DYNC2H1: variants seen among roughly 807,000 people sequenced by gnomAD.
DYNC2H1 encodes the protein cytoplasmic dynein 2 heavy chain 1.
In DYNC2H1, 410 loss-of-function variants were observed where a neutral mutation model predicts 570.0. The observed-to-expected ratio is 0.72, with a 90% CI of 0.66 to 0.78. The LOEUF (loss-of-function observed/expected upper bound fraction) is 0.78. DYNC2H1 is among the 30% of genes least tolerant of loss of function. The pLI, the probability that DYNC2H1 is intolerant of heterozygous loss-of-function variation, is 0.00. For missense variants in DYNC2H1, 4,865 were observed against 5,046.4 expected, an observed-to-expected ratio of 0.96 and a Z score of 1.09; for synonymous variants, 1,688 against 1,677.6, an observed-to-expected ratio of 1.01 and a Z score of -0.15.
chr11:103,242,043 AG>A (rs1864441880), intron 63 of DYNC2H1, among the ~76,000 whole-genome samples: 2 of 152,044 alleles, frequency 1.3e-5, no homozygotes, highest in African/African-American at 4.8e-5. Context: ...TTAGATATAC[AG>A]TGTTCCCCCC....
chr11:103,300,041 T>C (rs540061866), intron 75 of DYNC2H1, among the ~76,000 whole-genome samples: 1 of 152,194 alleles, frequency 6.6e-6, no homozygotes, highest in African/African-American at 2.4e-5. Context: ...GGTAATTTTA[T>C]ACATCTGATA....
chr11:103,445,991 GT>G (rs577045502), intron 85 of DYNC2H1, among the ~76,000 whole-genome samples: 71 of 152,196 alleles, frequency 4.7e-4, no homozygotes, highest in Non-Finnish European at 7.6e-4. Flanking sequence ...TGGTTAAGTG[GT>G]TTAGTGAGTT....
chr11:103,210,144 G>A lies in DYNC2H1; in HGVS notation c.8539+184G>A, dbSNP rs546459979. On this transcript the variant is annotated intron_variant, in intron 53 of 88. Transcript: ENST00000375735. ...CTTTTTATTTTTAAATTAATGGTAT[G>A]TCATTTAACCTAGAACCCAACAGAA... Among the ~76,000 whole-genome samples the A allele has an allele frequency of 3.2e-4, 49 of 152,022 alleles. 1 individual carries two copies. Among genetic ancestry groups the A allele is most frequent in the Non-Finnish European group, 6.8e-4 (46 of 67,860 alleles).
In DYNC2H1 at chr11:103,392,906, G is replaced by A. The variant is rs1358464174; in HGVS notation, c.12157-6757G>A. Among the ~76,000 whole-genome samples the A allele has an allele frequency of 7.3e-5, 10 of 137,804 alleles. No individual in the cohort carries two copies. The South Asian group carries it at 9.2e-4, about 13-fold the overall frequency. The allele number at this position is 137,804 out of a possible 152,430, so 90.4% of individuals were successfully genotyped here. A position where few individuals can be genotyped will look rare whatever the true frequency, so the allele number is the denominator to read the frequency against. On this transcript the variant is annotated intron_variant, in intron 83 of 88. Coordinates refer to ENST00000375735, the MANE Select transcript of DYNC2H1 (RefSeq NM_001377.3). ...AAACTATTTTTTTTTTTTTTGAAAT[G>A]GAGTTTCGCTCTTGTCACCCAGGCT...
At chr11:103,288,804 C>A (rs1866465325) in intron 75 of DYNC2H1, among the ~76,000 whole-genome samples, 1 of 149,130 alleles carries the variant, frequency 6.7e-6, no homozygotes, top group African/African-American at 2.5e-5. Flanking sequence ...ATGCTGGAAC[C>A]CAGGAGGCGG....
At chr11:103,350,973 T>C (rs1229169654) in intron 82 of DYNC2H1, among the ~76,000 whole-genome samples, 1 of 152,196 alleles carries the variant, frequency 6.6e-6, no homozygotes, top group Non-Finnish European at 1.5e-5. Flanking sequence ...ATTTAGTCCA[T>C]AAATTAAAGA....
intron 50 of DYNC2H1, among the ~76,000 whole-genome samples, chr11:103,200,543 A>T (rs1019867738): frequency 7.9e-5 from 12 of 152,194 alleles, no homozygotes; most frequent in African/African-American, 2.7e-4. Flanking sequence ...AAGAAGTAGT[A>T]TGTAAGAAAA....
At chr11:103,302,253 A>G (rs1193353339) in intron 75 of DYNC2H1, among the ~76,000 whole-genome samples, 1 of 152,078 alleles carries the variant, frequency 6.6e-6, no homozygotes, top group Non-Finnish European at 1.5e-5. Context: ...TTTCTTACCT[A>G]TAAAATTAAT....
intron 84 of DYNC2H1, among the ~76,000 whole-genome samples, chr11:103,435,413 T>G (rs2135752065): frequency 6.6e-6 from 1 of 152,278 alleles, no homozygotes; most frequent in South Asian, 2.1e-4. Flanking sequence ...GTTAATGCCT[T>G]TATTGGAAGG....
At chr11:103,309,723 G>A (rs1299948796) in intron 78 of DYNC2H1, among the ~76,000 whole-genome samples, 4 of 152,066 alleles carry the variant, frequency 2.6e-5, no homozygotes, top group Non-Finnish European at 5.9e-5. Context: ...GGACTGGATT[G>A]CATGAGCCAT....
intron 84 of DYNC2H1, among the ~76,000 whole-genome samples, chr11:103,429,215 C>G: frequency 6.6e-6 from 1 of 151,766 alleles, no homozygotes; most frequent in East Asian, 1.9e-4. Context: ...GAGCCATGAT[C>G]ATGCCACTGT....
rs574976291 is a variant in DYNC2H1 at position 103,117,247 on chromosome 11, A to G, written c.767-384A>G. The stretch of plus-strand genomic sequence containing the variant: ...TTTAATATATGTATATATATATTTA[A>G]TATATATATTTTATATATATATATT... On this transcript the variant is annotated intron_variant, in intron 5 of 88. Coordinates refer to ENST00000375735, the MANE Select transcript of DYNC2H1 (RefSeq NM_001377.3). 5.5e-5 allele frequency among the ~76,000 whole-genome samples: 8 copies of G among 146,608 alleles called. No homozygotes were observed. The Admixed American group carries it at 5.5e-4, about 10-fold the overall frequency.
At position 103,125,171 on chromosome 11, in the gene DYNC2H1, G is replaced by A. The variant is rs765037166; in HGVS notation, c.1733G>A (p.Arg578His). ...DGLLKVHYSD[R>H]LVILLREVRQ... The stretch of plus-strand genomic sequence containing the variant: ...TTACTAAAAGTGCATTATTCAGATC[G>A]TTTGGTGATTCTTCTGAGAGAAGTT... The change falls in exon 12 of 89, where the codon CGT (arginine) becomes CAT (histidine). Residue 578 changes from arginine (R) to histidine (H), a missense_variant. Arg to His is a conservative substitution (Grantham distance 29). Coordinates refer to ENST00000375735, the MANE Select transcript of DYNC2H1 (RefSeq NM_001377.3). 1.1e-5 allele frequency: 17 copies of A among 1,613,532 alleles called. No homozygotes were observed. Among genetic ancestry groups the A allele is most frequent in the African/African-American group, 4.0e-5 (3 of 74,906 alleles).
At chr11:103,397,893 A>G (rs530161418) in intron 83 of DYNC2H1, among the ~76,000 whole-genome samples, 3 of 152,222 alleles carry the variant, frequency 2.0e-5, no homozygotes, top group African/African-American at 7.2e-5. Flanking sequence ...GAAAAAGTTA[A>G]TAAATAAAAA....
At chr11:103,301,537 T>C (rs957651941) in intron 75 of DYNC2H1, among the ~76,000 whole-genome samples, 2 of 151,972 alleles carry the variant, frequency 1.3e-5, no homozygotes, top group African/African-American at 2.4e-5. Context: ...TGCTAACAAT[T>C]GAATAGTTGT....
intron 59 of DYNC2H1, among the ~76,000 whole-genome samples, chr11:103,226,298 T>A (rs1010366614): frequency 5.3e-5 from 5 of 95,236 alleles, no homozygotes; most frequent in African/African-American, 1.7e-4. Context: ...GTTCCAGTTC[T>A]CATGGGGAAT....
chr11:103,135,697 T>C (rs773711884), intron 16 of DYNC2H1, 23 bp from the exon 17 acceptor site: 1 of 1,604,784 alleles, frequency 6.2e-7, no homozygotes, highest in Non-Finnish European at 8.5e-7. Flanking sequence ...ATTTATGTTT[T>C]AAAGTTATTT....
At chr11:103,389,694 G>A (rs200729595) in intron 83 of DYNC2H1, among the ~76,000 whole-genome samples, 1 of 151,468 alleles carries the variant, frequency 6.6e-6, no homozygotes, top group African/African-American at 2.4e-5. Flanking sequence ...CTGGTATGTT[G>A]TGTCTTTGTT....
chr11:103,189,729 A>G lies in DYNC2H1; in HGVS notation c.7350A>G (p.Leu2450=). The change falls in exon 45 of 89, where the codon CTA becomes CTG. Residue 2450 remains leucine (L), a synonymous_variant. Coordinates refer to ENST00000375735, the MANE Select transcript of DYNC2H1 (RefSeq NM_001377.3). This position sits in a 1 kb window ranked among gnomAD's most constrained non-coding sequence, Gnocchi z 4.3. ...TIYGAYLEPV[L]HKNLKNHSIW... ...ATGGAGCATATTTGGAACCAGTTCT[A>G]CATAAAAATCTGAAGAATCATTCTA... The G allele has an allele frequency of 6.2e-7, 1 of 1,613,018 alleles. No individual in the cohort carries two copies. The highest frequency in any genetic ancestry group is 1.1e-5 in the South Asian group (1 of 91,034).
Sources: allele counts gnomAD v4.1 joint callset (sites outside exome capture counted in the v4.1 genomes callset), GRCh38; gene constraint gnomAD v4.1.1; non-coding constraint Gnocchi (gnomAD v3.1); transcripts MANE v1.5; gene names NCBI Gene and HGNC (gene_info 2026-07-23, HGNC 2026-07-21).